Variants in MYO18B observed in about 807,000 individuals in gnomAD.
MYO18B encodes the protein myosin XVIIIB, also known as unconventional myosin-XVIIIb.
In MYO18B, 204 loss-of-function variants were observed where a neutral mutation model predicts 273.0. The observed-to-expected ratio is 0.75, with a 90% confidence interval of 0.67 to 0.84. The LOEUF is 0.84. Among genes scored for constraint, MYO18B ranks in the 40% least tolerant of loss-of-function variants. The pLI, the probability that MYO18B is intolerant of heterozygous loss-of-function variation, is 0.00. For missense variants in MYO18B, 3,212 were observed against 3,287.6 expected (o/e 0.98, Z 0.56); for synonymous variants, 1,330 against 1,305.7 (o/e 1.02, Z -0.40).
chr22:25,929,734 A>G (rs971579387), intron 34 of MYO18B, among the ~76,000 whole-genome samples: 25 of 152,040 alleles, frequency 1.6e-4, no homozygotes, highest in Non-Finnish European at 2.1e-4. Context: ...TGTACCCTCT[A>G]AATAGCTCTG....
At chr22:25,914,963 C>G (rs981209747) in intron 33 of MYO18B, among the ~76,000 whole-genome samples, 6 of 151,598 alleles carry the variant, frequency 4.0e-5, no homozygotes, top group Non-Finnish European at 5.9e-5. Flanking sequence ...TCCCAAAGTG[C>G]TGGGATTACA....
At chr22:25,797,318 G>A (rs2145755018) in intron 11 of MYO18B, among the ~76,000 whole-genome samples, 1 of 152,188 alleles carries the variant, frequency 6.6e-6, no homozygotes, top group East Asian at 1.9e-4. Context: ...TTGCCTGTTG[G>A]GACTTCTATT....
At chr22:25,914,686 CTTTTTTTTTTTTTTTT>C (rs3070566) in intron 33 of MYO18B, among the ~76,000 whole-genome samples, 2 of 50,824 alleles carry the variant, frequency 3.9e-5, no homozygotes, top group South Asian at 2.3e-3. Context: ...AGTTTTGACT[CTTTTTTTTTTTTTTTT>C]TTTTTTTTTT....
In MYO18B at chr22:25,823,840, C is replaced by T. The variant is rs1045198272; in HGVS notation, c.2695+162C>T. Among the ~76,000 whole-genome samples the T allele has an allele frequency of 5.3e-5, 8 of 152,146 alleles. 1 individual carries two copies. The highest frequency in any genetic ancestry group is 2.1e-4 in the South Asian group (1 of 4,826). On this transcript the variant is annotated intron_variant, in intron 13 of 43. Coordinates refer to ENST00000335473, the MANE Select transcript of MYO18B (RefSeq NM_032608.7). The stretch of plus-strand genomic sequence containing the variant: ...GAAGCCATCGTGGGTGGAAAGGGAC[C>T]GGTCAATGCTAATGCTCAAATAACT...
the MYO18B span, among the ~76,000 whole-genome samples, chr22:26,063,026 A>G: frequency 6.6e-6 from 1 of 152,268 alleles, no homozygotes; most frequent in East Asian, 1.9e-4. Flanking sequence ...GACACCCAGC[A>G]CTGTGCCTCT....
At chr22:25,821,527 C>T (rs749470541) in intron 12 of MYO18B, among the ~76,000 whole-genome samples, 46 of 152,132 alleles carry the variant, frequency 3.0e-4, no homozygotes, top group Non-Finnish European at 6.2e-4. Context: ...CCTGTAATCC[C>T]AGCACTTTGG....
Position 25,969,985 on chromosome 22 carries a change from A to G in MYO18B, c.6156+14621A>G, listed in dbSNP as rs2093019618. Among the ~76,000 whole-genome samples the G allele has an allele frequency of 3.3e-5, 5 of 151,974 alleles. No individual in the cohort carries two copies. The South Asian group carries it at 1.0e-3, about 32-fold the overall frequency. On this transcript the variant is annotated intron_variant, in intron 39 of 43. Coordinates refer to ENST00000335473, the MANE Select transcript of MYO18B (RefSeq NM_032608.7). ...TTGCCATATCATCTTCTTCATCACC[A>G]CCACCATCACCACCAACACATCATC...
chr22:25,763,474 C>T lies in MYO18B; in HGVS notation c.198+85C>T, dbSNP rs1322353028. 6 of 1,456,668 alleles carry T rather than the reference C, an allele frequency of 4.1e-6. No homozygotes were observed. In the Middle Eastern group the frequency reaches 7.0e-4, roughly 169 times the overall value. 90.2% of individuals were successfully genotyped at this position (1,456,668 alleles called of 1,614,324 possible). On this transcript the variant is annotated intron_variant, in intron 3 of 43. Coordinates refer to ENST00000335473, the MANE Select transcript of MYO18B (RefSeq NM_032608.7). Reference sequence around the variant, plus strand: ...GAGCTTCCTCTGAGTCATTTGTCATCCTGCCTTTGCTCCTGCTGTCCTGGT... The same window carrying T: ...GAGCTTCCTCTGAGTCATTTGTCATTCTGCCTTTGCTCCTGCTGTCCTGGT...
chr22:26,033,037 A>G (rs892931006), downstream of MYO18B, among the ~76,000 whole-genome samples: 5 of 152,318 alleles, frequency 3.3e-5, no homozygotes, highest in Admixed American at 6.5e-5. Flanking sequence ...TACAGGATAC[A>G]TATGTCCCAA....
At chr22:26,053,746 G>A in the MYO18B span, among the ~76,000 whole-genome samples, 1 of 152,208 alleles carries the variant, frequency 6.6e-6, no homozygotes, top group South Asian at 2.1e-4. Context: ...AGTTGAGGAA[G>A]TCTACTGATG....
chr22:25,990,077 C>T (rs956563677), intron 39 of MYO18B, among the ~76,000 whole-genome samples: 1 of 152,242 alleles, frequency 6.6e-6, no homozygotes, highest in African/African-American at 2.4e-5. Context: ...GCCACCCCTT[C>T]TCCCTCTCAT....
intron 21 of MYO18B, among the ~76,000 whole-genome samples, chr22:25,865,468 C>T (rs942061558): frequency 1.3e-5 from 2 of 152,194 alleles, no homozygotes; most frequent in African/African-American, 4.8e-5. Flanking sequence ...TCATGTTTTG[C>T]AGCACTGTTC....
chr22:25,894,885 CAACTA>C, intron 27 of MYO18B: 1 of 331,794 alleles, frequency 3.0e-6, no homozygotes. Context: ...CTTATAGAGA[CAACTA>C]AACAGTATAA....
chr22:26,049,128 G>T, the MYO18B span, among the ~76,000 whole-genome samples: 1 of 152,158 alleles, frequency 6.6e-6, no homozygotes, highest in East Asian at 1.9e-4. Context: ...AGACTACCAG[G>T]ACAGGGATTG....
downstream of MYO18B, among the ~76,000 whole-genome samples, chr22:26,032,522 T>G (rs1010769387): frequency 1.3e-4 from 20 of 150,208 alleles, no homozygotes; most frequent in Non-Finnish European, 1.2e-4. Flanking sequence ...ACCCTGTTTT[T>G]TTTTTTTTTT....
intron 39 of MYO18B, among the ~76,000 whole-genome samples, chr22:25,962,669 G>T (rs1204861002): frequency 6.6e-6 from 1 of 152,196 alleles, no homozygotes; most frequent in Non-Finnish European, 1.5e-5. Flanking sequence ...GATGGGATGT[G>T]TGGACAAAGG....
rs892550901 is a variant in MYO18B, at chr22:25,851,563, G to A, written c.3869G>A (p.Gly1290Glu). The A allele has an allele frequency of 1.9e-6, 3 of 1,556,854 alleles. No individual in the cohort carries two copies. The African/African-American group carries it at 4.1e-5, about 21-fold the overall frequency. Residue 1290 changes from glycine (G) to glutamate (E), a missense_variant, in exon 21 of 44, where the codon GGA becomes GAA. By Grantham distance (98) the Gly-to-Glu change is moderately conservative. Transcript: ENST00000335473. Reference protein sequence around the residue: ...LLKKLMSTSEGIDERKAVEEL... With the variant: ...LLKKLMSTSEEIDERKAVEEL... ...AAGAAGCTCATGTCGACCTCCGAGG[G>A]AATAGATGAAAGGAAGGTAGGTGGA...
rs149628857 is a variant in MYO18B at position 25,876,630 on chromosome 22, CTTTATTTATTTA to C, written c.4224+318_4224+329del. 6.0e-5 allele frequency among the ~76,000 whole-genome samples: 9 copies of C among 149,686 alleles called. No homozygotes were observed. In the East Asian group the frequency reaches 9.9e-4, roughly 16 times the overall value. ...GCTCAATGGGCAGAGTCTTTGAGTC[CTTTATTTATTTA>C]TTTATTTATTTATTTATTTTACCTC... On this transcript the variant is annotated intron_variant, in intron 24 of 43. Transcript: ENST00000335473.
intron 25 of MYO18B, among the ~76,000 whole-genome samples, chr22:25,887,184 T>C (rs78526322): frequency 0.051 from 7,772 of 152,234 alleles, 252 homozygotes; most frequent in East Asian, 0.094. Context: ...TGTGGTTTGT[T>C]TGTCTCTCTG....
Sources: allele counts gnomAD v4.1 joint callset (sites outside exome capture counted in the v4.1 genomes callset), GRCh38; gene constraint gnomAD v4.1.1; transcripts MANE v1.5; gene names NCBI Gene and HGNC (gene_info 2026-07-23, HGNC 2026-07-21).